Variants in STIM1 observed in about 807,000 individuals in gnomAD.
The protein encoded by STIM1 is stromal interaction molecule 1.
In STIM1, 25 loss-of-function variants were observed where a neutral mutation model predicts 74.7. The ratio of observed to expected loss-of-function variants is 0.33; its 90% CI spans 0.24 to 0.47. The LOEUF (loss-of-function observed/expected upper bound fraction) is 0.47, where lower values mean the gene tolerates loss of function less well. STIM1 is among the 20% of genes least tolerant of loss of function. STIM1 has a pLI of 1.00. For synonymous variants in STIM1, 328 were observed against 348.8 expected (o/e 0.94, Z 0.66); for missense variants, 728 against 920.8 (o/e 0.79, Z 2.71).
intron 2 of STIM1, among the ~76,000 whole-genome samples, chr11:3,980,372 G>A (rs1364111514): frequency 6.6e-6 from 1 of 152,078 alleles, no homozygotes; most frequent in Non-Finnish European, 1.5e-5. Context: ...ATGTTATACT[G>A]TATTTCCTTA....
chr11:3,965,764 G>A (rs747435511), intron 1 of STIM1, among the ~76,000 whole-genome samples: 13 of 152,214 alleles, frequency 8.5e-5, no homozygotes, highest in Non-Finnish European at 1.8e-4. Flanking sequence ...CCAGCACTTC[G>A]GGAGGCCGAG....
intron 3 of STIM1, among the ~76,000 whole-genome samples, chr11:4,038,016 T>C (rs2094117860): frequency 6.6e-6 from 1 of 152,142 alleles, no homozygotes; most frequent in East Asian, 1.9e-4. Context: ...ATAAAAGATA[T>C]GTATCTTTAA....
chr11:3,908,556 A>G (rs1565111263), intron 1 of STIM1, among the ~76,000 whole-genome samples: 2 of 150,876 alleles, frequency 1.3e-5, no homozygotes, highest in African/African-American at 2.5e-5. Context: ...AGCTTGCAGT[A>G]AGCTGAGATC....
intron 1 of STIM1, among the ~76,000 whole-genome samples, chr11:3,899,515 T>A (rs1413783145): frequency 6.6e-6 from 1 of 151,696 alleles, no homozygotes; most frequent in East Asian, 1.9e-4. Context: ...TATTTCCTTC[T>A]CCTGCCTAAT....
At chr11:3,945,628 T>C (rs2093063400) in intron 1 of STIM1, among the ~76,000 whole-genome samples, 1 of 152,174 alleles carries the variant, frequency 6.6e-6, no homozygotes, top group Non-Finnish European at 1.5e-5. Context: ...ATTATTATAA[T>C]AATCATTATT....
At chr11:3,966,350 A>G (rs1409377955) in intron 1 of STIM1, among the ~76,000 whole-genome samples, 1 of 152,256 alleles carries the variant, frequency 6.6e-6, no homozygotes, top group Non-Finnish European at 1.5e-5. Flanking sequence ...GGATTTGAAT[A>G]ACTAGCAAGA....
intron 2 of STIM1, among the ~76,000 whole-genome samples, chr11:4,000,400 C>T (rs1262215581): frequency 6.6e-6 from 1 of 151,862 alleles, no homozygotes; most frequent in African/African-American, 2.4e-5. Flanking sequence ...TCCAGAGGAA[C>T]GATCAGACAG....
intron 2 of STIM1, among the ~76,000 whole-genome samples, chr11:3,991,438 T>C (rs559783319): frequency 1.3e-5 from 2 of 151,882 alleles, no homozygotes; most frequent in African/African-American, 4.8e-5. Flanking sequence ...CCCAAAGTGC[T>C]GGTATTACAG....
At chr11:3,964,878 T>G (rs1213667274) in intron 1 of STIM1, among the ~76,000 whole-genome samples, 1 of 151,958 alleles carries the variant, frequency 6.6e-6, no homozygotes, top group East Asian at 1.9e-4. Context: ...GTGTGTGCCA[T>G]CATGCCTGGC....
At chr11:3,875,725 CA>C (rs55792544) in intron 1 of STIM1, among the ~76,000 whole-genome samples, 88,365 of 137,280 alleles carry the variant, frequency 0.64, 27,997 homozygotes, top group Middle Eastern at 0.75. Flanking sequence ...GACCCTGTCT[CA>C]AAAAAAAAAA....
At chr11:3,895,902 C>G (rs1159568482) in intron 1 of STIM1, among the ~76,000 whole-genome samples, 1 of 129,516 alleles carries the variant, frequency 7.7e-6, no homozygotes. Flanking sequence ...TTCTTTCTTT[C>G]TTTCTTCTTT....
intron 3 of STIM1, among the ~76,000 whole-genome samples, chr11:4,028,966 T>A (rs2136041399): frequency 6.6e-6 from 1 of 151,922 alleles, no homozygotes; most frequent in Non-Finnish European, 1.5e-5. Flanking sequence ...GGCAGGCAGA[T>A]CATGAGGTCA....
intron 1 of STIM1, among the ~76,000 whole-genome samples, chr11:3,905,768 A>C (rs959745488): frequency 2.0e-5 from 3 of 152,224 alleles, no homozygotes; most frequent in African/African-American, 4.8e-5. Flanking sequence ...AGGTTTCTGG[A>C]ACTGCATGAT....
At chr11:4,073,123 T>C (rs2094415578) in intron 6 of STIM1, among the ~76,000 whole-genome samples, 1 of 149,196 alleles carries the variant, frequency 6.7e-6, no homozygotes, top group Non-Finnish European at 1.5e-5. Flanking sequence ...TGGTCAGTGT[T>C]CTCTAGGGGT....
intron 1 of STIM1, among the ~76,000 whole-genome samples, chr11:3,924,015 T>A (rs1328984615): frequency 6.6e-6 from 1 of 152,006 alleles, no homozygotes; most frequent in African/African-American, 2.4e-5. Context: ...ATTTATTTAT[T>A]TTTTAAATTA....
chr11:4,084,406 C>T (rs1458784916), intron 10 of STIM1, among the ~76,000 whole-genome samples: 2 of 152,082 alleles, frequency 1.3e-5, no homozygotes, highest in East Asian at 3.9e-4. Flanking sequence ...AATACTTTGC[C>T]CCTGGCCAAG....
intron 1 of STIM1, among the ~76,000 whole-genome samples, chr11:3,915,085 C>T (rs955472721): frequency 7.2e-5 from 11 of 151,774 alleles, no homozygotes; most frequent in Non-Finnish European, 1.5e-4. Flanking sequence ...GTATTTAAGT[C>T]CTTTGTCCAT....
chr11:3,910,236 T>G (rs947507595), intron 1 of STIM1, among the ~76,000 whole-genome samples: 3 of 152,218 alleles, frequency 2.0e-5, no homozygotes, highest in Admixed American at 6.5e-5. Context: ...TCAAATTTCC[T>G]CCTGGTCATA....
rs1282993398 is a variant in STIM1, at chr11:3,898,986, C to A, written c.139+42577C>A. On this transcript the variant is annotated intron_variant, in intron 1 of 12. Coordinates refer to ENST00000526596, the MANE Select transcript of STIM1 (RefSeq NM_001382567.1). ...CTTTGTTCTTTTGGCTTAGGACTGACTTGGCGATGTGGGCTCTTTTTTGGT... is the reference window on the plus strand; with the variant it reads ...CTTTGTTCTTTTGGCTTAGGACTGAATTGGCGATGTGGGCTCTTTTTTGGT... Among the ~76,000 whole-genome samples, 41 of 151,862 alleles carry A rather than the reference C, an allele frequency of 2.7e-4. No individual in the cohort carries two copies. The South Asian group carries it at 8.5e-3, about 32-fold the overall frequency.
Sources: gnomAD v4.1 joint callset for allele counts (sites outside exome capture counted in the v4.1 genomes callset) on GRCh38, gnomAD v4.1.1 for gene constraint, MANE v1.5 for transcripts, NCBI Gene and HGNC (gene_info 2026-07-23, HGNC 2026-07-21) for gene names.